Variants in NTN4 observed in about 807,000 individuals in gnomAD.
The protein encoded by NTN4 is netrin 4.
In NTN4, 32 loss-of-function variants were observed where a neutral mutation model predicts 73.6. The observed-to-expected ratio is 0.44, with a 90% confidence interval of 0.33 to 0.58. NTN4 has a LOEUF of 0.58. NTN4 is among the 20% of genes least tolerant of loss of function. The pLI is 0.04. For missense variants in NTN4, 654 were observed against 798.3 expected, an observed-to-expected ratio of 0.82 and a Z score of 2.18; for synonymous variants, 258 against 287.5, an observed-to-expected ratio of 0.90 and a Z score of 1.04.
At chr12:95,775,850 G>A (rs2079088139) in intron 2 of NTN4, among the ~76,000 whole-genome samples, 1 of 152,218 alleles carries the variant, frequency 6.6e-6, no homozygotes, top group Non-Finnish European at 1.5e-5. Flanking sequence ...TCCCAGCACG[G>A]AGTTTGAGAT....
At chr12:95,766,336 C>T (rs978187340) in intron 2 of NTN4, among the ~76,000 whole-genome samples, 2 of 152,176 alleles carry the variant, frequency 1.3e-5, no homozygotes, top group African/African-American at 2.4e-5. Context: ...TCTATATTGA[C>T]AGTTAAATGG....
chr12:95,747,930 T>C (rs1254718972), intron 2 of NTN4, among the ~76,000 whole-genome samples: 2 of 151,952 alleles, frequency 1.3e-5, no homozygotes, highest in Admixed American at 6.6e-5. Context: ...TTTTACTTTA[T>C]AGAAAAAATA....
At chr12:95,671,972 T>G (rs1006602727) in intron 7 of NTN4, among the ~76,000 whole-genome samples, 1 of 151,948 alleles carries the variant, frequency 6.6e-6, no homozygotes, top group Non-Finnish European at 1.5e-5. Context: ...GCATTTTACA[T>G]TAATTTACTC....
At chr12:95,763,804 C>T (rs139821017) in intron 2 of NTN4, among the ~76,000 whole-genome samples, 119 of 152,288 alleles carry the variant, frequency 7.8e-4, no homozygotes, top group African/African-American at 2.6e-3. Context: ...AGAGTACTTT[C>T]AACACAGCTG....
At chr12:95,775,794 A>C (rs1041981638) in intron 2 of NTN4, among the ~76,000 whole-genome samples, 1 of 152,248 alleles carries the variant, frequency 6.6e-6, no homozygotes, top group African/African-American at 2.4e-5. Flanking sequence ...AAACCTCTGC[A>C]GACTTAAATG....
At chr12:95,775,720 A>T (rs1260331983) in intron 2 of NTN4, among the ~76,000 whole-genome samples, 2 of 152,232 alleles carry the variant, frequency 1.3e-5, no homozygotes, top group Non-Finnish European at 2.9e-5. Context: ...CACCTCAAGG[A>T]GGCCTGCCTG....
chr12:95,759,491 G>GTTTT (rs61286357), intron 2 of NTN4, among the ~76,000 whole-genome samples: 13 of 136,384 alleles, frequency 9.5e-5, no homozygotes, highest in African/African-American at 2.5e-4. Context: ...TAGTATTTTT[G>GTTTT]TTTTTTTTTT....
chr12:95,790,266 A>G lies in NTN4; in HGVS notation c.44T>C (p.Val15Ala). 6.5e-7 allele frequency: 1 copy of G among 1,536,086 alleles called. No homozygotes were observed. Among genetic ancestry groups the G allele is most frequent in the Non-Finnish European group, 8.8e-7 (1 of 1,141,340 alleles). The change falls in exon 1 of 10, where the codon GTG becomes GCG. Residue 15 changes from valine (V) to alanine (A), a missense_variant. By Grantham distance (64) the Val-to-Ala change is moderately conservative (BLOSUM62 0). Transcript: ENST00000343702. The surrounding 1 kb of genome is among the most constrained non-coding windows in gnomAD (Gnocchi z 6.5). ...ARLLLLWGCT[V>A]VAAGLSGVAG... ...GCGTCACCACCCACCTGCGGCCACC[A>G]CCGTGCAGCCCCAGAGCAGCAGCAG...
Position 95,770,988 on chromosome 12 carries a change from A to ATTTTTTTTTTTTTTT in NTN4, c.585+15950_585+15951insAAAAAAAAAAAAAAA, listed in dbSNP as rs1460848065. ...GCAAGATGAACCATCCAGGAAAAGAATTTGTTTTTTTTTTTTTTTGAGACA... is the reference window on the plus strand; with the variant it reads ...GCAAGATGAACCATCCAGGAAAAGAATTTTTTTTTTTTTTTTTTGTTTTTTTTTTTTTTTGAGACA... On this transcript the variant is annotated intron_variant, in intron 2 of 9. Transcript: ENST00000343702. Among the ~76,000 whole-genome samples, 48 of 58,086 alleles carry ATTTTTTTTTTTTTTT rather than the reference A, an allele frequency of 8.3e-4. 3 individuals carry two copies. The highest frequency in any genetic ancestry group is 2.0e-3 in the African/African-American group (46 of 22,876). 38.1% of individuals were successfully genotyped at this position (58,086 alleles called of 152,430 possible).
In NTN4 at chr12:95,782,914, G is replaced by T. The variant is rs77769855; in HGVS notation, c.585+4025C>A. 2.8e-3 allele frequency among the ~76,000 whole-genome samples: 430 copies of T among 152,306 alleles called. 1 individual carries two copies. The highest frequency in any genetic ancestry group is 3.7e-3 in the Admixed American group (57 of 15,296). ...CCTAACAGTGATCATCGCAATTCCAGTGTCATGAGGCCTGACTGTGTGGCA... is the reference window on the plus strand; with the variant it reads ...CCTAACAGTGATCATCGCAATTCCATTGTCATGAGGCCTGACTGTGTGGCA... On this transcript the variant is annotated intron_variant, in intron 2 of 9. Coordinates refer to ENST00000343702, the MANE Select transcript of NTN4 (RefSeq NM_021229.4).
chr12:95,702,570 A>T (rs541435789), intron 5 of NTN4, among the ~76,000 whole-genome samples: 148 of 152,324 alleles, frequency 9.7e-4, no homozygotes, highest in African/African-American at 3.5e-3. Flanking sequence ...CAGCCCTTTG[A>T]ATAGTGACCA....
intron 3 of NTN4, among the ~76,000 whole-genome samples, chr12:95,715,890 C>A (rs2078601535): frequency 6.6e-6 from 1 of 151,956 alleles, no homozygotes; most frequent in Non-Finnish European, 1.5e-5. Flanking sequence ...GTTGATGATT[C>A]TTTGTTTTAC....
intron 8 of NTN4, among the ~76,000 whole-genome samples, chr12:95,668,762 G>T (rs1200384227): frequency 2.6e-5 from 4 of 152,160 alleles, no homozygotes; most frequent in Non-Finnish European, 5.9e-5. Context: ...GGCCGAGGCA[G>T]GCAGATCATT....
chr12:95,747,722 T>G (rs2078872425), intron 2 of NTN4, among the ~76,000 whole-genome samples: 1 of 152,126 alleles, frequency 6.6e-6, no homozygotes, highest in Non-Finnish European at 1.5e-5. Flanking sequence ...TGAATCTGAA[T>G]CATGTCAATA....
At chr12:95,752,925 T>C (rs878937044) in intron 2 of NTN4, among the ~76,000 whole-genome samples, 1 of 151,662 alleles carries the variant, frequency 6.6e-6, no homozygotes, top group African/African-American at 2.4e-5. Context: ...TCATACCTGA[T>C]GCATATACTT....
At chr12:95,764,697 A>G (rs1339591304) in intron 2 of NTN4, among the ~76,000 whole-genome samples, 1 of 151,426 alleles carries the variant, frequency 6.6e-6, no homozygotes, top group Non-Finnish European at 1.5e-5. Flanking sequence ...AAAAAAAGCT[A>G]AAAAAGCACC....
At chr12:95,720,286 G>T (rs924556074) in intron 3 of NTN4, among the ~76,000 whole-genome samples, 17 of 152,252 alleles carry the variant, frequency 1.1e-4, no homozygotes, top group African/African-American at 4.1e-4. Context: ...GGGGAGAGAG[G>T]AGCCAAAAAC....
chr12:95,779,282 C>T (rs1429864982), intron 2 of NTN4, among the ~76,000 whole-genome samples: 1 of 152,180 alleles, frequency 6.6e-6, no homozygotes, highest in African/African-American at 2.4e-5. Flanking sequence ...CACTCCTATT[C>T]AACATAGTGT....
At chr12:95,770,798 A>AT (rs142781148) in intron 2 of NTN4, among the ~76,000 whole-genome samples, 37,841 of 151,850 alleles carry the variant, frequency 0.25, 5,876 homozygotes, top group African/African-American at 0.44. Context: ...TTTCAAAATT[A>AT]TTTTTTGTTT....
Sources: allele counts gnomAD v4.1 joint callset (sites outside exome capture counted in the v4.1 genomes callset), GRCh38; gene constraint gnomAD v4.1.1; non-coding constraint Gnocchi (gnomAD v3.1); transcripts MANE v1.5; gene names NCBI Gene and HGNC (gene_info 2026-07-23, HGNC 2026-07-21).